HPSE2: variants seen among roughly 807,000 people sequenced by gnomAD.
HPSE2 encodes the protein inactive heparanase-2.
In HPSE2, 38 loss-of-function variants were observed where a neutral mutation model predicts 60.5. That is an observed-to-expected ratio of 0.63 (90% confidence interval 0.48 to 0.82). The LOEUF (loss-of-function observed/expected upper bound fraction) is 0.82, where lower values mean the gene tolerates loss of function less well. Ranked by LOEUF, HPSE2 falls within the 40% of genes least tolerant of loss-of-function variation. HPSE2 has a pLI of 0.00. For synonymous variants in HPSE2, 295 were observed against 293.2 expected, an observed-to-expected ratio of 1.01 and a Z score of -0.06; for missense variants, 713 against 740.4, an observed-to-expected ratio of 0.96 and a Z score of 0.43.
chr10:99,259,301 C>T, the HPSE2 span, among the ~76,000 whole-genome samples: 5 of 79,910 alleles, frequency 6.3e-5, no homozygotes, highest in South Asian at 5.9e-4. Context: ...AGCAAAACCC[C>T]CCCCACCAAA....
At chr10:98,641,612 T>C (rs1203777162) in intron 7 of HPSE2, among the ~76,000 whole-genome samples, 2 of 150,998 alleles carry the variant, frequency 1.3e-5, no homozygotes, top group African/African-American at 2.4e-5. Context: ...AAAAAAAAAA[T>C]AGAGACGCTT....
chr10:99,232,752 A>G (rs1849702655), intron 1 of HPSE2, among the ~76,000 whole-genome samples: 1 of 152,172 alleles, frequency 6.6e-6, no homozygotes, highest in South Asian at 2.1e-4. Context: ...CCTCCCGCAG[A>G]CACCCAGATC....
At position 98,457,815 on chromosome 10, in the gene HPSE2, G is replaced by A. The variant is rs4919228; in HGVS notation, c.*1759C>T. ...TCCCTTCTGGGCAGCCTTGCAGGGC[G>A]GTCTCAGGGTCTGCCCCTCTCTCTC... On this transcript the variant is annotated 3_prime_UTR_variant, in exon 12 of 12. Transcript: ENST00000370552. The A allele has an allele frequency of 0.6, 91,718 of 151,722 alleles. 27,960 individuals carry two copies. The highest frequency in any genetic ancestry group is 0.64 in the Non-Finnish European group (43,819 of 68,026). 9.4% of individuals were successfully genotyped at this position (151,722 alleles called of 1,614,324 possible).
intron 3 of HPSE2, among the ~76,000 whole-genome samples, chr10:99,087,616 G>C (rs1267384856): frequency 6.6e-6 from 1 of 152,134 alleles, no homozygotes; most frequent in Admixed American, 6.5e-5. Flanking sequence ...TGCGTAACCG[G>C]GTGGGATCCT....
intron 3 of HPSE2, among the ~76,000 whole-genome samples, chr10:99,120,846 T>C (rs958928984): frequency 5.9e-5 from 9 of 152,198 alleles, no homozygotes; most frequent in African/African-American, 2.2e-4. Context: ...GGAATGCTTA[T>C]ACACCATGGG....
At chr10:98,713,666 T>C (rs1476854019) in intron 5 of HPSE2, among the ~76,000 whole-genome samples, 2 of 152,072 alleles carry the variant, frequency 1.3e-5, no homozygotes, top group Non-Finnish European at 1.5e-5. Context: ...AGTGTTTCAG[T>C]AAATGTGTGG....
Position 98,459,826 on chromosome 10 carries a change from T to G in HPSE2, c.1614-87A>C, listed in dbSNP as rs1940207047. Reference sequence around the variant, plus strand: ...AGCCTAGCCCCAGATGGCCTGGCAGTGTCTGATACACACACACAGCTGACA... The same window carrying G: ...AGCCTAGCCCCAGATGGCCTGGCAGGGTCTGATACACACACACAGCTGACA... On this transcript the variant is annotated intron_variant, in intron 11 of 11. Transcript: ENST00000370552. 3.3e-6 allele frequency: 4 copies of G among 1,226,286 alleles called. No individual in the cohort carries two copies. The Admixed American group carries it at 7.9e-5, about 24-fold the overall frequency. 76.0% of individuals were successfully genotyped at this position (1,226,286 alleles called of 1,614,324 possible).
At chr10:99,311,080 C>A in the HPSE2 span, among the ~76,000 whole-genome samples, 52 of 152,092 alleles carry the variant, frequency 3.4e-4, no homozygotes, top group Non-Finnish European at 6.5e-4. Flanking sequence ...TCATAATTCT[C>A]TGATACAAAA....
intron 3 of HPSE2, among the ~76,000 whole-genome samples, chr10:98,923,759 T>C (rs1954359387): frequency 2.6e-5 from 4 of 152,116 alleles, no homozygotes. Context: ...ATTTAATTAT[T>C]TCAATCTCTT....
the HPSE2 span, among the ~76,000 whole-genome samples, chr10:99,260,846 C>T: frequency 1.4e-4 from 21 of 152,226 alleles, no homozygotes; most frequent in Middle Eastern, 3.4e-3. Context: ...GGCAACCTTG[C>T]GACCTCCATT....
the HPSE2 span, among the ~76,000 whole-genome samples, chr10:99,294,388 A>C: frequency 6.8e-6 from 1 of 146,878 alleles, no homozygotes; most frequent in East Asian, 1.9e-4. Flanking sequence ...ATACATATAT[A>C]ATATATAATA....
At chr10:98,566,922 C>T (rs1428319622) in intron 9 of HPSE2, among the ~76,000 whole-genome samples, 1 of 152,062 alleles carries the variant, frequency 6.6e-6, no homozygotes, top group Non-Finnish European at 1.5e-5. Flanking sequence ...ATATTTTTCC[C>T]CTCATTACCA....
chr10:98,493,931 A>G (rs187824980), intron 9 of HPSE2, among the ~76,000 whole-genome samples: 45 of 152,072 alleles, frequency 3.0e-4, no homozygotes, highest in African/African-American at 1.0e-3. Context: ...TTCCTTTCTC[A>G]TTACCTTTTG....
intron 3 of HPSE2, among the ~76,000 whole-genome samples, chr10:98,995,006 T>C (rs1346854966): frequency 2.6e-5 from 4 of 152,220 alleles, no homozygotes; most frequent in Non-Finnish European, 5.9e-5. Context: ...AGCCCATTTT[T>C]GATTCCTGGG....
chr10:98,459,645 C>A lies in HPSE2; in HGVS notation c.1708G>T (p.Val570Phe). Reference sequence around the variant, plus strand: ...AAGCCCATGGTGACTGGAGGGATGACCAATGTCCGGCCGGCCCGAAGGGGG... The same window carrying A: ...AAGCCCATGGTGACTGGAGGGATGAACAATGTCCGGCCGGCCCGAAGGGGG... ...PRPLRAGRTL[V>F]IPPVTMGFYV... Residue 570 changes from valine to phenylalanine, a missense_variant, in exon 12 of 12, where the codon GTC (valine) becomes TTC (phenylalanine). By Grantham distance (50) the Val-to-Phe change is conservative. Coordinates refer to ENST00000370552, the MANE Select transcript of HPSE2 (RefSeq NM_021828.5). 1 of 1,614,166 alleles carries A rather than the reference C, an allele frequency of 6.2e-7. No homozygotes were observed. Among genetic ancestry groups the A allele is most frequent in the Non-Finnish European group, 8.5e-7 (1 of 1,180,034 alleles).
At chr10:98,921,664 C>T (rs1009451509) in intron 3 of HPSE2, among the ~76,000 whole-genome samples, 4 of 152,180 alleles carry the variant, frequency 2.6e-5, no homozygotes, top group Non-Finnish European at 4.4e-5. Context: ...AGCACATACT[C>T]CTTTGCCCAA....
intron 11 of HPSE2, among the ~76,000 whole-genome samples, chr10:98,470,504 T>A (rs1002223676): frequency 6.6e-6 from 1 of 152,210 alleles, no homozygotes; most frequent in Non-Finnish European, 1.5e-5. Context: ...GAAACACCAA[T>A]TCAGGGCCCA....
chr10:98,916,350 C>A lies in HPSE2; in HGVS notation c.611-172294G>T, dbSNP rs566062657. On this transcript the variant is annotated intron_variant, in intron 3 of 11. Coordinates refer to ENST00000370552, the MANE Select transcript of HPSE2 (RefSeq NM_021828.5). The stretch of plus-strand genomic sequence containing the variant: ...TTTGTTACACAGACAATGTCTACCC[C>A]TTGCTGTAAATTTGCCCACTGTCAC... Among the ~76,000 whole-genome samples, 18 of 152,344 alleles carry A rather than the reference C, an allele frequency of 1.2e-4. No individual in the cohort carries two copies. The East Asian group carries it at 3.5e-3, about 29-fold the overall frequency.
intron 5 of HPSE2, among the ~76,000 whole-genome samples, chr10:98,717,763 A>G (rs1278157924): frequency 1.3e-5 from 2 of 152,100 alleles, no homozygotes; most frequent in Admixed American, 1.3e-4. Context: ...AAAACGTGAA[A>G]TGTTGCAAGA....
Sources: allele counts gnomAD v4.1 joint callset (sites outside exome capture counted in the v4.1 genomes callset), GRCh38; gene constraint gnomAD v4.1.1; transcripts MANE v1.5; gene names NCBI Gene and HGNC (gene_info 2026-07-23, HGNC 2026-07-21).